Variants in FHOD1 observed in about 807,000 individuals in gnomAD.
FHOD1 encodes the protein formin homology 2 domain containing 1.
FHOD1 carries 89 observed loss-of-function variants against 111.6 expected under a neutral mutation model. The ratio of observed to expected loss-of-function variants is 0.80; its 90% CI spans 0.67 to 0.95. FHOD1 has a LOEUF of 0.95. Ranked by LOEUF, FHOD1 falls within the 40% of genes least tolerant of loss-of-function variation. The pLI is 0.00. For synonymous variants in FHOD1, 618 were observed against 639.0 expected (o/e 0.97, Z 0.50); for missense variants, 1,446 against 1,554.2 (o/e 0.93, Z 1.17).
In FHOD1 at chr16:67,230,683, G is replaced by A. The variant is rs755679813; in HGVS notation, c.2776C>T (p.Arg926Cys). 6.8e-6 allele frequency: 11 copies of A among 1,613,826 alleles called. No individual in the cohort carries two copies. The highest frequency in any genetic ancestry group is 5.3e-5 in the African/African-American group (4 of 74,944). Residue 926 changes from arginine (R) to cysteine (C), a missense_variant, in exon 18 of 22, where the codon CGT becomes TGT. Physicochemically the swap from Arg to Cys is radical, Grantham distance 180 (BLOSUM62 -3). This residue lies in a region of FHOD1 where 1,085 missense variants were observed against 1,108.8 expected (regional missense o/e 0.98). Coordinates refer to ENST00000258201, the MANE Select transcript of FHOD1 (RefSeq NM_013241.3). ...LAKHELAPALRARLTHFLDQC... is the reference protein window; with the variant it reads ...LAKHELAPALCARLTHFLDQC... ...TCCAGGAAGTGGGTGAGGCGGGCACGCAGGGCTGGGGCCAGCTCATGCTTG... is the reference window on the plus strand; with the variant it reads ...TCCAGGAAGTGGGTGAGGCGGGCACACAGGGCTGGGGCCAGCTCATGCTTG...
intron 1 of FHOD1, among the ~76,000 whole-genome samples, chr16:67,244,164 C>T (rs1474562415): frequency 6.6e-6 from 1 of 152,136 alleles, no homozygotes. Flanking sequence ...GAGGGCTTTC[C>T]TGGCCTTTGC....
chr16:67,230,056 TG>T lies in FHOD1; in HGVS notation c.3214+9del. The T allele has an allele frequency of 1.2e-6, 2 of 1,613,658 alleles. No homozygotes were observed. Among genetic ancestry groups the T allele is most frequent in the Admixed American group, 3.3e-5 (2 of 59,978 alleles). On this transcript the variant is annotated intron_variant, in intron 20 of 21. Transcript: ENST00000258201. ...TGGAGCCCATTCCCCACAGCTGCTA[TG>T]GGCCTCACCTCTGCTGCGGCGATTG... is the stretch of plus-strand genomic sequence containing the variant.
In FHOD1 at chr16:67,237,354, G is replaced by A. The variant is rs1216658951; in HGVS notation, c.878C>T (p.Ser293Phe). The A allele has an allele frequency of 1.2e-6, 2 of 1,614,012 alleles. No individual in the cohort carries two copies. The highest frequency in any genetic ancestry group is 1.7e-6 in the Non-Finnish European group (2 of 1,180,016). The change falls in exon 9 of 22, where the codon TCC (serine) becomes TTC (phenylalanine). Residue 293 changes from serine to phenylalanine, a missense_variant. This residue lies in a region of FHOD1 where 234 missense variants were observed against 327.4 expected (regional missense o/e 0.71). Transcript: ENST00000258201. This position sits in a 1 kb window ranked among gnomAD's most constrained non-coding sequence, Gnocchi z 5.6. ...KTLAALPDQD[S>F]FYDVTDALEQ... ...CAGTGCATCCGTCACATCGTAGAAG[G>A]AGTCCTGGTCCGGGAGCGCCGCCAG...
At chr16:67,245,994 G>A (rs2034809472) in intron 1 of FHOD1, among the ~76,000 whole-genome samples, 1 of 152,218 alleles carries the variant, frequency 6.6e-6, no homozygotes, top group Non-Finnish European at 1.5e-5. Flanking sequence ...AATAGGGCAA[G>A]AGAAGCGGGG....
chr16:67,239,316 A>AAT (rs905922268), intron 2 of FHOD1, 32 bp downstream of exon 2: 2 of 1,556,204 alleles, frequency 1.3e-6, no homozygotes, highest in African/African-American at 2.7e-5. Context: ...GGGTGGGGGT[A>AAT]ACCTTGCCTC....
chr16:67,236,697 A>C lies in FHOD1; in HGVS notation c.1179T>G (p.Ser393=). The change falls in exon 11 of 22, where the codon TCT becomes TCG. Residue 393 remains serine, a synonymous_variant. Transcript: ENST00000258201. ...TGPASPVGPT[S]STGPALLTGP... is the part of the protein sequence containing the mutation. ...CTGTCAGCAGGGCGGGGCCGGTGGA[A>C]GAGGTGGGGCCTACCGGTGAGGCGG... 1 of 1,574,440 alleles carries C rather than the reference A, an allele frequency of 6.4e-7. No individual in the cohort carries two copies. The highest frequency in any genetic ancestry group is 8.6e-7 in the Non-Finnish European group (1 of 1,161,500).
chr16:67,244,092 C>T (rs1018057025), intron 1 of FHOD1, among the ~76,000 whole-genome samples: 1 of 152,148 alleles, frequency 6.6e-6, no homozygotes, highest in Non-Finnish European at 1.5e-5. Flanking sequence ...TTAGCCACAG[C>T]TAGGGAAACA....
At chr16:67,232,217 G>A (rs748467203) in intron 13 of FHOD1, 23 bp from the exon 14 acceptor site, 2 of 1,612,948 alleles carry the variant, frequency 1.2e-6, no homozygotes, top group South Asian at 1.1e-5. Context: ...GGGAAGGGCA[G>A]TGTAAGACTG....
chr16:67,236,256 G>A (rs1423204619), intron 11 of FHOD1, among the ~76,000 whole-genome samples: 2 of 152,216 alleles, frequency 1.3e-5, no homozygotes, highest in Non-Finnish European at 2.9e-5. Flanking sequence ...ACAGGGTGCT[G>A]GAAGAGACAG....
At chr16:67,247,108 G>C (rs888454128) in intron 1 of FHOD1, 102 bp downstream of exon 1, 2 of 1,313,208 alleles carry the variant, frequency 1.5e-6, no homozygotes, top group African/African-American at 1.5e-5. Flanking sequence ...TTCCGGAGAA[G>C]AACACTCGCT....
Position 67,239,406 on chromosome 16 carries a change from T to A in FHOD1, c.250A>T (p.Thr84Ser). The A allele has an allele frequency of 6.2e-7, 1 of 1,614,140 alleles. No homozygotes were observed. Among genetic ancestry groups the A allele is most frequent in the Non-Finnish European group, 8.5e-7 (1 of 1,180,026 alleles). The change falls in exon 2 of 22, where the codon ACC becomes TCC. Residue 84 changes from threonine (T) to serine (S), a missense_variant. Thr to Ser is a moderately conservative substitution (Grantham distance 58). Around this residue, in one of 3 missense-constraint regions of FHOD1, gnomAD observed 127 missense variants for 118.0 expected, o/e 1.08. Transcript: ENST00000258201. ...QVSPSGYYLD[T>S]ELSLEEQREM... Reference sequence around the variant, plus strand: ...CGCTGCTCTTCCAGGGACAGCTCGGTGTCCAGGTAGTATCCGGAGGGAGAC... The same window carrying A: ...CGCTGCTCTTCCAGGGACAGCTCGGAGTCCAGGTAGTATCCGGAGGGAGAC...
chr16:67,240,103 G>C (rs2034624195), intron 1 of FHOD1, among the ~76,000 whole-genome samples: 2 of 152,138 alleles, frequency 1.3e-5, no homozygotes, highest in Admixed American at 1.3e-4. Context: ...TGAGTAAGAG[G>C]GTGAAGACAG....
chr16:67,244,101 C>T (rs2034742655), intron 1 of FHOD1, among the ~76,000 whole-genome samples: 1 of 152,178 alleles, frequency 6.6e-6, no homozygotes, highest in Non-Finnish European at 1.5e-5. Flanking sequence ...GCTAGGGAAA[C>T]AAAGTTGCTA....
rs2034586183 is a variant in FHOD1 at position 67,238,803 on chromosome 16, C to A, written c.373+100G>T. 1.7e-6 allele frequency: 2 copies of A among 1,173,834 alleles called. No individual in the cohort carries two copies. Among genetic ancestry groups the A allele is most frequent in the African/African-American group, 1.5e-5 (1 of 66,294 alleles). The allele number at this position is 1,173,834 out of a possible 1,614,324, so 72.7% of individuals were successfully genotyped here. On this transcript the variant is annotated intron_variant, in intron 3 of 21. Transcript: ENST00000258201. This position sits in a 1 kb window ranked among gnomAD's most constrained non-coding sequence, Gnocchi z 4.2. ...TAGGGAGAGGAAGGAGCACATACAG[C>A]TAAACCTACTTTGCTCACTGTTCAG...
rs928387683 is a variant in FHOD1, at chr16:67,237,567, C to G, written c.757G>C (p.Ala253Pro). The G allele has an allele frequency of 6.2e-7, 1 of 1,614,018 alleles. No individual in the cohort carries two copies. The highest frequency in any genetic ancestry group is 8.5e-7 in the Non-Finnish European group (1 of 1,179,980). Residue 253 changes from alanine to proline, a missense_variant and splice_region_variant, in exon 8 of 22, where the codon GCT becomes CCT. Coordinates refer to ENST00000258201, the MANE Select transcript of FHOD1 (RefSeq NM_013241.3). This position sits in a 1 kb window ranked among gnomAD's most constrained non-coding sequence, Gnocchi z 5.6. ...AVNSVASTTG[A>P]PPWANLVSIL... ...GACACCAGATTGGCCCAGGGAGGAGCACCTGCCACACAGAAAGTGGAGCAG... is the reference window on the plus strand; with the variant it reads ...GACACCAGATTGGCCCAGGGAGGAGGACCTGCCACACAGAAAGTGGAGCAG...
At chr16:67,230,564 G>C in intron 18 of FHOD1, 37 bp downstream of exon 18, 1 of 1,613,398 alleles carries the variant, frequency 6.2e-7, no homozygotes, top group South Asian at 1.1e-5. Context: ...GAGGGAGGGT[G>C]GTGGCCGTCC....
At position 67,247,332 on chromosome 16, in the gene FHOD1, C is replaced by A. The variant is rs1233054976; in HGVS notation, c.79G>T (p.Asp27Tyr). Residue 27 changes from aspartate (D) to tyrosine (Y), a missense_variant, in exon 1 of 22, where the codon GAC becomes TAC. Physicochemically the swap from Asp to Tyr is radical, Grantham distance 160. Coordinates refer to ENST00000258201, the MANE Select transcript of FHOD1 (RefSeq NM_013241.3). ...GGAAAGTTGGCACATGCGAAGGGGT[C>A]GGTGTCTTCCAGGTACTGCACCCTC... ...TVRVQYLEDT[D>Y]PFACANFPEP... The A allele has an allele frequency of 6.2e-7, 1 of 1,613,550 alleles. No individual in the cohort carries two copies. The highest frequency in any genetic ancestry group is 1.3e-5 in the African/African-American group (1 of 74,932).
chr16:67,237,975 CTG>C lies in FHOD1; in HGVS notation c.642+57_642+58del, dbSNP rs1597326217. 6.4e-7 allele frequency: 1 copy of C among 1,565,852 alleles called. No homozygotes were observed. The highest frequency in any genetic ancestry group is 8.8e-7 in the Non-Finnish European group (1 of 1,139,066). ...CCAGCTCACTTTGCAGAACAGGAAA[CTG>C]AGGCCCAGAGAGAAGCAACAGGCAA... On this transcript the variant is annotated intron_variant, in intron 6 of 21. Transcript: ENST00000258201. The surrounding 1 kb of genome is among the most constrained non-coding windows in gnomAD (Gnocchi z 5.6).
At chr16:67,233,533 T>G (rs995469177) in intron 13 of FHOD1, 124 bp downstream of exon 13, 13 of 1,348,826 alleles carry the variant, frequency 9.6e-6, no homozygotes, top group Non-Finnish European at 1.3e-5. Flanking sequence ...GACAATTTCC[T>G]ACTCCTTTCT....
Sources: allele counts gnomAD v4.1 joint callset (sites outside exome capture counted in the v4.1 genomes callset), GRCh38; gene constraint gnomAD v4.1.1; regional missense constraint gnomAD v4.1.1; non-coding constraint Gnocchi (gnomAD v3.1); transcripts MANE v1.5; gene names NCBI Gene and HGNC (gene_info 2026-07-23, HGNC 2026-07-21).